The following UNC5D variants were observed in gnomAD, a reference collection of about 807,000 sequenced individuals.
The protein encoded by UNC5D is netrin receptor UNC5D.
UNC5D carries 39 observed loss-of-function variants against 105.4 expected under a neutral mutation model. That is an observed-to-expected ratio of 0.37 (90% confidence interval 0.29 to 0.48). UNC5D has a LOEUF of 0.48. Ranked by LOEUF, UNC5D falls within the 20% of genes least tolerant of loss-of-function variation. The probability of loss-of-function intolerance (pLI) is 0.98; values close to 1 mark genes in which losing one functional copy is unlikely to be tolerated. For synonymous variants in UNC5D, 452 were observed against 450.4 expected (o/e 1.00, Z -0.04); for missense variants, 991 against 1,202.4 (o/e 0.82, Z 2.60).
At chr8:35,495,517 A>C (rs1273314843) in intron 1 of UNC5D, among the ~76,000 whole-genome samples, 1 of 151,816 alleles carries the variant, frequency 6.6e-6, no homozygotes, top group Admixed American at 6.6e-5. Context: ...GAAAGTTTAC[A>C]AATTTGTGTT....
intron 14 of UNC5D, among the ~76,000 whole-genome samples, chr8:35,761,290 G>GTGAC (rs1199468073): frequency 9.2e-5 from 14 of 152,278 alleles, no homozygotes; most frequent in African/African-American, 3.1e-4. Flanking sequence ...TCTGATGCAA[G>GTGAC]TGACTTGGTC....
intron 1 of UNC5D, among the ~76,000 whole-genome samples, chr8:35,321,494 G>T (rs1236686140): frequency 2.0e-5 from 3 of 152,106 alleles, no homozygotes; most frequent in Non-Finnish European, 4.4e-5. Flanking sequence ...TGGAGGAGGT[G>T]TCTTGCTTCC....
intron 2 of UNC5D, among the ~76,000 whole-genome samples, chr8:35,550,831 T>A (rs1224137622): frequency 6.6e-6 from 1 of 152,330 alleles, no homozygotes; most frequent in Non-Finnish European, 1.5e-5. Context: ...ATGGGCATAA[T>A]TGATGCTACA....
chr8:35,693,880 T>G (rs1294704220), intron 7 of UNC5D, among the ~76,000 whole-genome samples: 1 of 152,134 alleles, frequency 6.6e-6, no homozygotes, highest in Non-Finnish European at 1.5e-5. Flanking sequence ...CTTTGTTCAT[T>G]TTATGAGAGA....
At chr8:35,402,209 A>G (rs749215253) in intron 1 of UNC5D, among the ~76,000 whole-genome samples, 7 of 152,144 alleles carry the variant, frequency 4.6e-5, no homozygotes, top group Non-Finnish European at 1.0e-4. Flanking sequence ...ATCCATTTTT[A>G]TACTGCTGAT....
At position 35,722,314 on chromosome 8, in the gene UNC5D, A is replaced by G; in HGVS notation, c.1222A>G (p.Ser408Gly). ...IGVTLYRRSQ[S>G]DYGVDVIDSS... ...TGTCACCCTTTACAGACGGAGCCAG[A>G]GTGACTATGGCGTGGACGTCATTGA... Residue 408 changes from serine to glycine, a missense_variant, in exon 9 of 17, where the codon AGT becomes GGT. Around this residue, in one of 3 missense-constraint regions of UNC5D, gnomAD observed 944 missense variants for 1,131.6 expected, o/e 0.83. Coordinates refer to ENST00000404895, the MANE Select transcript of UNC5D (RefSeq NM_080872.4). The G allele has an allele frequency of 1.9e-6, 3 of 1,614,120 alleles. No individual in the cohort carries two copies. The highest frequency in any genetic ancestry group is 2.5e-6 in the Non-Finnish European group (3 of 1,180,018).
intron 1 of UNC5D, among the ~76,000 whole-genome samples, chr8:35,345,778 TAATAA>T (rs1339910703): frequency 1.3e-5 from 2 of 152,006 alleles, no homozygotes; most frequent in Non-Finnish European, 2.9e-5. Flanking sequence ...TGAAAGTGCC[TAATAA>T]AATGGAAAGT....
At chr8:35,331,863 C>T (rs187456348) in intron 1 of UNC5D, among the ~76,000 whole-genome samples, 21 of 152,284 alleles carry the variant, frequency 1.4e-4, no homozygotes, top group Admixed American at 2.6e-4. Context: ...AACACATTTT[C>T]TTTGCCCAGA....
chr8:35,774,623 T>C (rs1802157403), intron 16 of UNC5D, 146 bp downstream of exon 16: 4 of 1,135,546 alleles, frequency 3.5e-6, no homozygotes, highest in South Asian at 1.6e-5. Context: ...ACTAAGTAAG[T>C]GGGGAAAGAG....
chr8:35,313,162 T>A (rs1467186172), intron 1 of UNC5D, among the ~76,000 whole-genome samples: 1 of 152,250 alleles, frequency 6.6e-6, no homozygotes, highest in East Asian at 1.9e-4. Context: ...TAAGGTGAAC[T>A]GTGCTTTTCT....
chr8:35,607,153 G>A (rs575577282), intron 4 of UNC5D, among the ~76,000 whole-genome samples: 62 of 152,154 alleles, frequency 4.1e-4, no homozygotes, highest in Non-Finnish European at 5.4e-4. Flanking sequence ...CAGTGGCAGC[G>A]CAGTCCAATG....
At chr8:35,337,307 A>G (rs1208847867) in intron 1 of UNC5D, among the ~76,000 whole-genome samples, 2 of 152,214 alleles carry the variant, frequency 1.3e-5, no homozygotes, top group African/African-American at 4.8e-5. Flanking sequence ...TATCTTTTCA[A>G]TTAAAAATTG....
chr8:35,518,835 G>A (rs1302188098), intron 1 of UNC5D, among the ~76,000 whole-genome samples: 1 of 151,616 alleles, frequency 6.6e-6, no homozygotes, highest in Non-Finnish European at 1.5e-5. Context: ...TCTGAACAGG[G>A]CTAAATTTAA....
intron 1 of UNC5D, among the ~76,000 whole-genome samples, chr8:35,243,569 G>T (rs1344113165): frequency 6.6e-6 from 1 of 152,084 alleles, no homozygotes; most frequent in East Asian, 1.9e-4. Flanking sequence ...TATTCTCTTG[G>T]CAGGAGCTAC....
intron 13 of UNC5D, among the ~76,000 whole-genome samples, chr8:35,753,709 T>C (rs1197841253): frequency 6.6e-6 from 1 of 152,222 alleles, no homozygotes; most frequent in Non-Finnish European, 1.5e-5. Flanking sequence ...TGGTTGTACT[T>C]GTTATTGACA....
In UNC5D at chr8:35,684,557, TCCCCTCC is replaced by T. The variant is rs1586428140; in HGVS notation, c.752-22_752-16del. On this transcript the variant is annotated intron_variant, in intron 5 of 16. Transcript: ENST00000404895. ...AGTAAAAACCTCTCTCCTTTTTTTC[TCCCCTCC>T]CCATTTTTCTCTCTCAGTGAATGGA... The T allele has an allele frequency of 3.7e-6, 6 of 1,604,886 alleles. No homozygotes were observed. The Admixed American group carries it at 5.1e-5, about 14-fold the overall frequency.
At chr8:35,242,188 T>C (rs1802845407) in intron 1 of UNC5D, among the ~76,000 whole-genome samples, 1 of 152,052 alleles carries the variant, frequency 6.6e-6, no homozygotes, top group Non-Finnish European at 1.5e-5. Context: ...TTTCCACAGG[T>C]GGGAAAATAT....
intron 1 of UNC5D, among the ~76,000 whole-genome samples, chr8:35,327,056 G>A (rs1388816309): frequency 6.6e-6 from 1 of 152,100 alleles, no homozygotes; most frequent in Admixed American, 6.5e-5. Flanking sequence ...AGTGGAAATG[G>A]TCAGATATAT....
rs1803077478 is a variant in UNC5D at position 35,792,225 on chromosome 8, A to C, written c.*1662A>C. On this transcript the variant is annotated 3_prime_UTR_variant, in exon 17 of 17. Coordinates refer to ENST00000404895, the MANE Select transcript of UNC5D (RefSeq NM_080872.4). ...GTAAAATAATAATAATAATGTTGTG[A>C]ATCTCCATGCCAAGTGAAAAAGGCC... The C allele has an allele frequency of 6.6e-6, 1 of 152,128 alleles. No homozygotes were observed. The highest frequency in any genetic ancestry group is 6.6e-5 in the Admixed American group (1 of 15,264). The allele number at this position is 152,128 out of a possible 1,614,324, so 9.4% of individuals were successfully genotyped here.
Sources: gnomAD v4.1 joint callset for allele counts (sites outside exome capture counted in the v4.1 genomes callset) on GRCh38, gnomAD v4.1.1 for gene constraint, gnomAD v4.1.1 regional missense constraint, MANE v1.5 for transcripts, NCBI Gene and HGNC (gene_info 2026-07-23, HGNC 2026-07-21) for gene names.